Variants in SGCE observed in about 807,000 individuals in gnomAD.
The protein encoded by SGCE is epsilon-sarcoglycan.
Under a neutral mutation model 57.8 loss-of-function variants are expected in SGCE, and 26 were observed. That is an observed-to-expected ratio of 0.45 (90% CI 0.33 to 0.62). SGCE has a LOEUF of 0.62. Among genes scored for constraint, SGCE ranks in the 20% least tolerant of loss-of-function variants. SGCE has a pLI of 0.02. For synonymous variants in SGCE, 183 were observed against 189.5 expected, an observed-to-expected ratio of 0.97 and a Z score of 0.28; for missense variants, 468 against 548.6, an observed-to-expected ratio of 0.85 and a Z score of 1.47.
intron 6 of SGCE, 126 bp from the exon 7 acceptor site, chr7:94,600,983 A>T: frequency 1.3e-6 from 1 of 788,892 alleles, no homozygotes; most frequent in South Asian, 1.5e-5. Flanking sequence ...CAATTACTTT[A>T]TCACCTCTTG....
chr7:94,598,743 A>G, intron 9 of SGCE, 32 bp downstream of exon 9: 1 of 1,402,868 alleles, frequency 7.1e-7, no homozygotes, highest in Non-Finnish European at 1.0e-6. Flanking sequence ...ATACATGCAT[A>G]TTAATAATTA....
At chr7:94,591,467 T>C (rs546059303) in intron 9 of SGCE, among the ~76,000 whole-genome samples, 22 of 152,306 alleles carry the variant, frequency 1.4e-4, no homozygotes, top group African/African-American at 5.3e-4. Context: ...CAACACATTC[T>C]GACAAAATAC....
Position 94,585,338 on chromosome 7 carries a change from TA to T in SGCE, c.*160del, listed in dbSNP as rs1796756631. 1 of 577,608 alleles carries T rather than the reference TA, an allele frequency of 1.7e-6. No individual in the cohort carries two copies. The highest frequency in any genetic ancestry group is 3.1e-6 in the Non-Finnish European group (1 of 326,546). 35.8% of individuals were successfully genotyped at this position (577,608 alleles called of 1,614,324 possible). ...CTTTAAGTACAAAAAAATACATTAGTAAAATGAAAGTTATGTTGTATTATTT... is the reference window on the plus strand; with the variant it reads ...CTTTAAGTACAAAAAAATACATTAGTAAATGAAAGTTATGTTGTATTATTT... On this transcript the variant is annotated 3_prime_UTR_variant, in exon 11 of 11. Coordinates refer to ENST00000648936, the MANE Select transcript of SGCE (RefSeq NM_003919.3).
chr7:94,639,956 G>A (rs1240646151), intron 1 of SGCE, among the ~76,000 whole-genome samples: 3 of 152,168 alleles, frequency 2.0e-5, no homozygotes, highest in African/African-American at 7.2e-5. Flanking sequence ...CAGTCAGGGT[G>A]AAGCACAAGG....
intron 10 of SGCE, chr7:94,588,126 G>A (rs1042365187): frequency 3.5e-6 from 4 of 1,154,180 alleles, no homozygotes; most frequent in Non-Finnish European, 4.3e-6. Flanking sequence ...AAAATTTTTA[G>A]GGACACTTGA....
chr7:94,649,330 A>G (rs1479908332), intron 1 of SGCE, among the ~76,000 whole-genome samples: 2 of 152,252 alleles, frequency 1.3e-5, no homozygotes, highest in African/African-American at 4.8e-5. Flanking sequence ...TATTGTTTCC[A>G]AGAATATAAC....
chr7:94,629,921 T>C (rs1804423067), intron 1 of SGCE, 80 bp from the exon 2 acceptor site: 2 of 1,522,642 alleles, frequency 1.3e-6, no homozygotes, highest in South Asian at 1.1e-5. Context: ...ACGCTGTTTA[T>C]AAAGAGGGGT....
intron 4 of SGCE, among the ~76,000 whole-genome samples, chr7:94,622,823 A>G (rs973167417): frequency 6.6e-6 from 1 of 152,062 alleles, no homozygotes. Context: ...TACACTATAA[A>G]CTATTTAGGA....
At chr7:94,636,298 T>C (rs576126669) in intron 1 of SGCE, among the ~76,000 whole-genome samples, 1 of 152,350 alleles carries the variant, frequency 6.6e-6, no homozygotes, top group Middle Eastern at 3.4e-3. Flanking sequence ...TATGTCATCC[T>C]GTCTGGGCAT....
At chr7:94,628,874 C>A in intron 2 of SGCE, 1 of 158,460 alleles carries the variant, frequency 6.3e-6, no homozygotes, top group South Asian at 1.9e-4. Context: ...ATTTATTAAT[C>A]ACAAGCAATA....
At chr7:94,653,254 T>C (rs1188068703) in intron 1 of SGCE, among the ~76,000 whole-genome samples, 1 of 152,166 alleles carries the variant, frequency 6.6e-6, no homozygotes, top group Non-Finnish European at 1.5e-5. Flanking sequence ...AATCCCACTT[T>C]GTTTTGAAAT....
At chr7:94,641,602 G>A (rs991943988) in intron 1 of SGCE, among the ~76,000 whole-genome samples, 1 of 152,054 alleles carries the variant, frequency 6.6e-6, no homozygotes, top group African/African-American at 2.4e-5. Context: ...GGAAAGGAAA[G>A]TGAAGACAGC....
At chr7:94,655,784 AG>A (rs1562916065) in intron 1 of SGCE, among the ~76,000 whole-genome samples, 1 of 150,374 alleles carries the variant, frequency 6.7e-6, no homozygotes, top group Non-Finnish European at 1.5e-5. Flanking sequence ...GAGGAAAAAA[AG>A]GCCAGGGGTC....
intron 1 of SGCE, among the ~76,000 whole-genome samples, chr7:94,636,036 T>G (rs1249956585): frequency 1.3e-5 from 2 of 152,210 alleles, no homozygotes; most frequent in Non-Finnish European, 2.9e-5. Flanking sequence ...ATGGCCACTT[T>G]TCTTTACATG....
chr7:94,615,983 G>A (rs1007357660), intron 5 of SGCE, among the ~76,000 whole-genome samples: 1 of 152,198 alleles, frequency 6.6e-6, no homozygotes, highest in Non-Finnish European at 1.5e-5. Context: ...AAGTGAAAAT[G>A]AATCTTTTCA....
rs1803878023 is a variant in SGCE, at chr7:94,627,298, G to A, written c.390+904C>T. The stretch of plus-strand genomic sequence containing the variant: ...CATCCATTCATTTTTTTAAAGTATT[G>A]TATTAATTCCTACTAAAGATTCAAT... On this transcript the variant is annotated intron_variant, in intron 3 of 10. Coordinates refer to ENST00000648936, the MANE Select transcript of SGCE (RefSeq NM_003919.3). 3.3e-5 allele frequency: 5 copies of A among 152,026 alleles called. No homozygotes were observed. In the South Asian group the frequency reaches 8.3e-4, roughly 25 times the overall value. The allele number at this position is 152,026 out of a possible 1,614,324, so 9.4% of individuals were successfully genotyped here. A position where few individuals can be genotyped will look rare whatever the true frequency, so the allele number is the denominator to read the frequency against.
At chr7:94,634,331 A>G (rs574193298) in intron 1 of SGCE, among the ~76,000 whole-genome samples, 17 of 152,266 alleles carry the variant, frequency 1.1e-4, no homozygotes, top group African/African-American at 4.1e-4. Flanking sequence ...ATCATTTTGT[A>G]CATCAATTGT....
chr7:94,602,363 A>G (rs1003491365), intron 6 of SGCE, among the ~76,000 whole-genome samples: 1 of 152,172 alleles, frequency 6.6e-6, no homozygotes, highest in African/African-American at 2.4e-5. Flanking sequence ...AAAGGCCACA[A>G]GGAGTGCTAA....
chr7:94,605,064 T>C (rs963729117), intron 5 of SGCE, among the ~76,000 whole-genome samples: 1 of 151,708 alleles, frequency 6.6e-6, no homozygotes, highest in Admixed American at 6.6e-5. Flanking sequence ...CTTATATTCA[T>C]TCTTTTTACT....
Sources: allele counts gnomAD v4.1 joint callset (sites outside exome capture counted in the v4.1 genomes callset), GRCh38; gene constraint gnomAD v4.1.1; transcripts MANE v1.5; gene names NCBI Gene and HGNC (gene_info 2026-07-23, HGNC 2026-07-21).